DENND2B: variants seen among roughly 807,000 people sequenced by gnomAD.
The protein encoded by DENND2B is DENN domain-containing protein 2B.
A neutral mutation model predicts 116.0 loss-of-function variants in DENND2B; 32 were observed. The ratio of observed to expected loss-of-function variants is 0.28; its 90% CI spans 0.21 to 0.37. DENND2B has a LOEUF of 0.37. Ranked by LOEUF, DENND2B falls within the 10% of genes least tolerant of loss-of-function variation. DENND2B has a pLI of 1.00. For missense variants in DENND2B, 1,276 were observed against 1,477.7 expected (o/e 0.86, Z 2.24); for synonymous variants, 588 against 583.9 (o/e 1.01, Z -0.10).
At chr11:8,698,090 G>C (rs2040725236) in intron 16 of DENND2B, 1 of 223,932 alleles carries the variant, frequency 4.5e-6, no homozygotes, top group South Asian at 4.2e-5. Context: ...GCAGTGTCAT[G>C]ACTGTACCAC....
rs1459832897 is a variant in DENND2B, at chr11:8,730,205, G to A, written c.1085C>T (p.Pro362Leu). 6.2e-7 allele frequency: 1 copy of A among 1,613,596 alleles called. No homozygotes were observed. ...GCTAGGGCTATTTCCAGGGGTCCCG[G>A]GCTTAGTGGAACCACTGCCTTCCCT... ...PEREGSGSTK[P>L]GTPGNSPSSQ... Residue 362 changes from proline (P) to leucine (L), a missense_variant, in exon 3 of 20, where the codon CCC becomes CTC. Around this residue, in one of 2 missense-constraint regions of DENND2B, gnomAD observed 856 missense variants for 846.6 expected, o/e 1.01. Coordinates refer to ENST00000313726, the MANE Select transcript of DENND2B (RefSeq NM_213618.2). The surrounding 1 kb of genome is among the most constrained non-coding windows in gnomAD (Gnocchi z 4.1).
chr11:8,749,008 A>G lies in DENND2B; in HGVS notation c.80+1613T>C, dbSNP rs141972997. Among the ~76,000 whole-genome samples, 1,243 of 152,300 alleles carry G rather than the reference A, an allele frequency of 8.2e-3. 7 individuals are homozygous for G. Among genetic ancestry groups the G allele is most frequent in the Middle Eastern group, 0.014 (4 of 292 alleles). On this transcript the variant is annotated intron_variant, in intron 2 of 19. Coordinates refer to ENST00000313726, the MANE Select transcript of DENND2B (RefSeq NM_213618.2). ...AATCTCCATTTCAGGTCCTAAATAT[A>G]CAATTTCTTTAAAATTACAAATAAA... is the stretch of plus-strand genomic sequence containing the variant.
At chr11:8,793,060 T>A (rs952083093) in intron 1 of DENND2B, among the ~76,000 whole-genome samples, 3 of 152,194 alleles carry the variant, frequency 2.0e-5, no homozygotes, top group African/African-American at 7.2e-5. Context: ...CTTGGTTAAA[T>A]AAATTATGAT....
chr11:8,839,402 T>TCC (rs1466923575), intron 3 of DENND2B: 43 of 152,306 alleles, frequency 2.8e-4, no homozygotes, highest in African/African-American at 9.9e-4. Context: ...CACTTACACT[T>TCC]TCCAATAACC....
At chr11:8,699,474 C>CGTTT in intron 14 of DENND2B, 84 bp from the exon 15 acceptor site, 1 of 1,377,438 alleles carries the variant, frequency 7.3e-7, no homozygotes, top group South Asian at 1.4e-5. Flanking sequence ...AGCCTTTGAT[C>CGTTT]GTAAACCTCC....
intron 1 of DENND2B, among the ~76,000 whole-genome samples, chr11:8,895,850 C>G (rs987998511): frequency 6.6e-6 from 1 of 151,910 alleles, no homozygotes; most frequent in African/African-American, 2.4e-5. Flanking sequence ...TCTTGAACTT[C>G]TGGCCTCAAG....
chr11:8,715,455 G>A (rs2044566068), intron 6 of DENND2B, 148 bp downstream of exon 6: 3 of 699,370 alleles, frequency 4.3e-6, no homozygotes, highest in South Asian at 1.9e-5. Flanking sequence ...ATGAAAAAGA[G>A]GCCAGTGCAC....
At chr11:8,876,906 AG>A (rs1325470853) in intron 2 of DENND2B, among the ~76,000 whole-genome samples, 1 of 151,280 alleles carries the variant, frequency 6.6e-6, no homozygotes, top group African/African-American at 2.4e-5. Flanking sequence ...AAGAAAGAAA[AG>A]AAAAGAAAGT....
intron 1 of DENND2B, among the ~76,000 whole-genome samples, chr11:8,804,061 G>A: frequency 6.6e-6 from 1 of 152,328 alleles, no homozygotes; most frequent in South Asian, 2.1e-4. Context: ...TGTGAGGAGT[G>A]AGCATCCCAC....
intron 4 of DENND2B, among the ~76,000 whole-genome samples, chr11:8,821,579 A>AGCCCAGGAGACAGAGAGAGATCCTGTCTC (rs2061769958): frequency 3.6e-4 from 1 of 2,760 alleles, no homozygotes; most frequent in East Asian, 0.25. Flanking sequence ...ATCCTGTCTC[A>AGCCCAGGAGACAGAGAGAGATCCTGTCTC]AAAAAAAAAA....
intron 1 of DENND2B, among the ~76,000 whole-genome samples, chr11:8,778,441 G>T (rs2057983215): frequency 6.6e-6 from 1 of 152,132 alleles, no homozygotes; most frequent in Non-Finnish European, 1.5e-5. Context: ...GCCCCTGACA[G>T]CTCAAATATT....
intron 5 of DENND2B, 91 bp from the exon 6 acceptor site, chr11:8,715,909 G>T: frequency 8.0e-7 from 1 of 1,252,798 alleles, no homozygotes; most frequent in Non-Finnish European, 1.1e-6. Context: ...GAGGCCAAGG[G>T]CCGGCATCCC....
At chr11:8,793,179 T>C (rs2059533419) in intron 1 of DENND2B, among the ~76,000 whole-genome samples, 1 of 152,238 alleles carries the variant, frequency 6.6e-6, no homozygotes, top group Non-Finnish European at 1.5e-5. Flanking sequence ...TATAATCTTT[T>C]CTTTCCATTT....
intron 11 of DENND2B, chr11:8,708,125 G>A (rs1274947293): frequency 1.5e-5 from 21 of 1,366,978 alleles, no homozygotes; most frequent in East Asian, 3.1e-5. Context: ...CCAGGAGGAC[G>A]CTGACGGGGG....
chr11:8,722,408 T>C (rs1411833244), intron 4 of DENND2B, among the ~76,000 whole-genome samples: 3 of 152,142 alleles, frequency 2.0e-5, no homozygotes, highest in African/African-American at 7.2e-5. Flanking sequence ...AGGAGCCTGA[T>C]CCAGCGGGGT....
chr11:8,843,216 C>T (rs1308272966), intron 3 of DENND2B, among the ~76,000 whole-genome samples: 1 of 152,116 alleles, frequency 6.6e-6, no homozygotes, highest in Non-Finnish European at 1.5e-5. Context: ...GGGGTTTCAC[C>T]ATGTTGGTCT....
chr11:8,900,221 C>T (rs959023407), intron 1 of DENND2B, among the ~76,000 whole-genome samples: 4 of 150,622 alleles, frequency 2.7e-5, no homozygotes, highest in African/African-American at 9.8e-5. Context: ...GTCAGGAGTT[C>T]GAGACTGTCC....
chr11:8,853,530 T>G (rs1166664230), intron 3 of DENND2B, among the ~76,000 whole-genome samples: 1 of 152,198 alleles, frequency 6.6e-6, no homozygotes, highest in Non-Finnish European at 1.5e-5. Context: ...ACATTTTTGT[T>G]GTTCACAAAT....
At chr11:8,891,092 T>C (rs575357851) in intron 1 of DENND2B, among the ~76,000 whole-genome samples, 23 of 152,336 alleles carry the variant, frequency 1.5e-4, no homozygotes, top group African/African-American at 5.5e-4. Context: ...ATATTCAACA[T>C]TCTTAAAGAA....
Sources: allele counts gnomAD v4.1 joint callset (sites outside exome capture counted in the v4.1 genomes callset), GRCh38; gene constraint gnomAD v4.1.1; regional missense constraint gnomAD v4.1.1; non-coding constraint Gnocchi (gnomAD v3.1); transcripts MANE v1.5; gene names NCBI Gene and HGNC (gene_info 2026-07-23, HGNC 2026-07-21).